The following DAPK1 variants were observed in gnomAD, a reference collection of about 807,000 sequenced individuals.
DAPK1 encodes the protein death associated protein kinase 1.
A neutral mutation model predicts 144.9 loss-of-function variants in DAPK1; 56 were observed. The ratio of observed to expected loss-of-function variants is 0.39; its 90% CI spans 0.31 to 0.48. The LOEUF (loss-of-function observed/expected upper bound fraction) is 0.48, where lower values mean the gene tolerates loss of function less well. Among genes scored for constraint, DAPK1 ranks in the 20% least tolerant of loss-of-function variants. DAPK1 has a pLI of 0.95. For missense variants in DAPK1, 1,454 were observed against 1,875.4 expected, an observed-to-expected ratio of 0.78 and a Z score of 4.15; for synonymous variants, 690 against 749.0, an observed-to-expected ratio of 0.92 and a Z score of 1.29.
chr9:87,525,636 T>C (rs982814146), intron 2 of DAPK1, among the ~76,000 whole-genome samples: 2 of 152,220 alleles, frequency 1.3e-5, no homozygotes, highest in Non-Finnish European at 2.9e-5. Flanking sequence ...GGCGGTTCTT[T>C]GGTCAGAGCA....
chr9:87,694,760 A>G (rs926962589), intron 21 of DAPK1, among the ~76,000 whole-genome samples: 1 of 152,154 alleles, frequency 6.6e-6, no homozygotes, highest in Non-Finnish European at 1.5e-5. Flanking sequence ...CAGAGATGTC[A>G]GTGGGGCTCT....
chr9:87,616,731 T>G (rs1357289841), intron 3 of DAPK1, among the ~76,000 whole-genome samples: 2 of 151,906 alleles, frequency 1.3e-5, no homozygotes, highest in East Asian at 3.9e-4. Context: ...GGGAGTGGTG[T>G]GAGGACCCTG....
In DAPK1 at chr9:87,526,937, A is replaced by G. The variant is rs551168828; in HGVS notation, c.62+27798A>G. Among the ~76,000 whole-genome samples the G allele has an allele frequency of 9.2e-5, 14 of 152,306 alleles. No individual in the cohort carries two copies. The South Asian group carries it at 2.9e-3, about 32-fold the overall frequency. ...CCCATATGCTGTTTCTACTTCAAAA[A>G]CAGTTGGAGGATTGTAAGACAGAAT... is the stretch of plus-strand genomic sequence containing the variant. On this transcript the variant is annotated intron_variant, in intron 2 of 25. Coordinates refer to ENST00000408954, the MANE Select transcript of DAPK1 (RefSeq NM_004938.4).
chr9:87,534,460 T>C (rs1825799173), intron 2 of DAPK1, among the ~76,000 whole-genome samples: 1 of 152,076 alleles, frequency 6.6e-6, no homozygotes, highest in East Asian at 1.9e-4. Context: ...TGAGTTTATT[T>C]TGAGTTATTA....
intron 3 of DAPK1, among the ~76,000 whole-genome samples, chr9:87,630,397 A>C (rs1456239469): frequency 6.6e-6 from 1 of 152,178 alleles, no homozygotes; most frequent in African/African-American, 2.4e-5. Context: ...ACTCACTCAA[A>C]GTCTCATGCA....
intron 23 of DAPK1, among the ~76,000 whole-genome samples, chr9:87,699,898 C>G (rs1415079635): frequency 2.0e-5 from 3 of 152,194 alleles, no homozygotes; most frequent in African/African-American, 4.8e-5. Context: ...GAAGGTCCCG[C>G]TCCTATGACT....
intron 2 of DAPK1, among the ~76,000 whole-genome samples, chr9:87,577,125 G>A (rs887142979): frequency 6.6e-6 from 1 of 152,168 alleles, no homozygotes; most frequent in African/African-American, 2.4e-5. Context: ...ATCTGGTATG[G>A]AACTCAAGAT....
At chr9:87,636,846 C>T (rs895733918) in intron 3 of DAPK1, among the ~76,000 whole-genome samples, 1 of 152,170 alleles carries the variant, frequency 6.6e-6, no homozygotes, top group Non-Finnish European at 1.5e-5. Context: ...CTTATTAAAA[C>T]TTCCCTGTTA....
At position 87,525,259 on chromosome 9, in the gene DAPK1, A is replaced by C. The variant is rs1022221135; in HGVS notation, c.62+26120A>C. 5 of 1,457,008 alleles carry C rather than the reference A, an allele frequency of 3.4e-6. No individual in the cohort carries two copies. In the East Asian group the frequency reaches 1.1e-4, roughly 33 times the overall value. The allele number at this position is 1,457,008 out of a possible 1,614,324, so 90.3% of individuals were successfully genotyped here. On this transcript the variant is annotated intron_variant, in intron 2 of 25. Transcript: ENST00000408954. ...AGTGCTTACCTAAAAAATGCGTTGAATAGAGCTTCTTGCTTTTACCTCGTT... is the reference window on the plus strand; with the variant it reads ...AGTGCTTACCTAAAAAATGCGTTGACTAGAGCTTCTTGCTTTTACCTCGTT...
At chr9:87,621,312 GC>G (rs1390153943) in intron 3 of DAPK1, among the ~76,000 whole-genome samples, 2 of 152,194 alleles carry the variant, frequency 1.3e-5, no homozygotes, top group African/African-American at 4.8e-5. Flanking sequence ...GTGGGGAGAG[GC>G]CTGTGCCTCT....
chr9:87,660,768 A>T (rs1384916025), intron 18 of DAPK1, among the ~76,000 whole-genome samples: 1 of 152,228 alleles, frequency 6.6e-6, no homozygotes, highest in Admixed American at 6.5e-5. Flanking sequence ...TTCACTTAGC[A>T]TAACGGCCTC....
chr9:87,680,001 A>G (rs1824545874), intron 19 of DAPK1, among the ~76,000 whole-genome samples: 1 of 150,214 alleles, frequency 6.7e-6, no homozygotes, highest in Admixed American at 6.6e-5. Context: ...CTGGCTTTCC[A>G]TTTTCTTTCA....
At chr9:87,681,689 C>A in intron 20 of DAPK1, 63 bp downstream of exon 20, 1 of 849,540 alleles carries the variant, frequency 1.2e-6, no homozygotes, top group South Asian at 1.4e-5. Flanking sequence ...TCTCTCCTTT[C>A]AAGGTCTAGG....
At chr9:87,612,229 C>T (rs1282327244) in intron 3 of DAPK1, among the ~76,000 whole-genome samples, 1 of 152,224 alleles carries the variant, frequency 6.6e-6, no homozygotes, top group Non-Finnish European at 1.5e-5. Context: ...AGAGGACAAA[C>T]ATTCAAACCG....
In DAPK1 at chr9:87,677,913, G is replaced by T. The variant is rs1248247028; in HGVS notation, c.2002-3491G>T. Among the ~76,000 whole-genome samples, 3 of 152,162 alleles carry T rather than the reference G, an allele frequency of 2.0e-5. No homozygotes were observed. In the East Asian group the frequency reaches 5.8e-4, roughly 29 times the overall value. On this transcript the variant is annotated intron_variant, in intron 19 of 25. Transcript: ENST00000408954. Reference sequence around the variant, plus strand: ...CATGGGCGCACCTGGTGCACGTGGCGCTGGGGACAATTCAGAGCCCCATTC... The same window carrying T: ...CATGGGCGCACCTGGTGCACGTGGCTCTGGGGACAATTCAGAGCCCCATTC...
chr9:87,671,656 C>T (rs1393452205), intron 19 of DAPK1, among the ~76,000 whole-genome samples: 2 of 152,102 alleles, frequency 1.3e-5, no homozygotes, highest in South Asian at 2.1e-4. Context: ...ACGTCAGACA[C>T]GTGTCTCCAC....
At chr9:87,584,612 C>T (rs749787936) in intron 2 of DAPK1, among the ~76,000 whole-genome samples, 1 of 152,060 alleles carries the variant, frequency 6.6e-6, no homozygotes, top group Non-Finnish European at 1.5e-5. Flanking sequence ...CTCACCAACA[C>T]TTGTCTTTTG....
At chr9:87,527,468 C>T (rs11793890) in intron 2 of DAPK1, among the ~76,000 whole-genome samples, 36,613 of 152,108 alleles carry the variant, frequency 0.24, 5,393 homozygotes, top group Non-Finnish European at 0.34. Flanking sequence ...GATGACCATG[C>T]GCTGTACAGG....
chr9:87,598,523 G>T (rs977341100), intron 2 of DAPK1, among the ~76,000 whole-genome samples: 2 of 151,988 alleles, frequency 1.3e-5, no homozygotes, highest in African/African-American at 4.8e-5. Context: ...GTGAGAACTT[G>T]TTCTAATGGC....
Sources: gnomAD v4.1 joint callset for allele counts (sites outside exome capture counted in the v4.1 genomes callset) on GRCh38, gnomAD v4.1.1 for gene constraint, MANE v1.5 for transcripts, NCBI Gene and HGNC (gene_info 2026-07-23, HGNC 2026-07-21) for gene names.